MLLT1: variants seen among roughly 807,000 people sequenced by gnomAD.
MLLT1 encodes protein ENL.
In MLLT1, 11 loss-of-function variants were observed where a neutral mutation model predicts 55.1. The observed-to-expected ratio is 0.20, with a 90% CI of 0.13 to 0.33. The LOEUF is 0.33. Ranked by LOEUF, MLLT1 falls within the 10% of genes least tolerant of loss-of-function variation. The pLI, the probability that MLLT1 is intolerant of heterozygous loss-of-function variation, is 1.00. For synonymous variants in MLLT1, 323 were observed against 320.1 expected (o/e 1.01, Z -0.10); for missense variants, 536 against 760.6 (o/e 0.70, Z 3.47).
intron 3 of MLLT1, among the ~76,000 whole-genome samples, chr19:6,239,148 C>A (rs2091091047): frequency 6.6e-6 from 1 of 152,234 alleles, no homozygotes; most frequent in South Asian, 2.1e-4. Context: ...CTGGACACAG[C>A]TGTAAGGCAC....
chr19:6,260,585 G>A (rs932662400), intron 3 of MLLT1, among the ~76,000 whole-genome samples: 6 of 152,266 alleles, frequency 3.9e-5, no homozygotes, highest in South Asian at 2.1e-4. Context: ...GGCAGCAGCC[G>A]GAGCCCCTTG....
chr19:6,220,003 G>A (rs570862576), intron 6 of MLLT1, among the ~76,000 whole-genome samples: 6 of 152,384 alleles, frequency 3.9e-5, no homozygotes, highest in Non-Finnish European at 8.8e-5. Flanking sequence ...TCAGAGGGAG[G>A]GCGGAGCAGA....
chr19:6,243,779 C>T (rs2091138811), intron 3 of MLLT1, among the ~76,000 whole-genome samples: 1 of 152,168 alleles, frequency 6.6e-6, no homozygotes, highest in Non-Finnish European at 1.5e-5. Flanking sequence ...CACGGTGGCT[C>T]ACGCCTGTAA....
chr19:6,223,308 G>A (rs2090922302), intron 5 of MLLT1, among the ~76,000 whole-genome samples: 3 of 152,326 alleles, frequency 2.0e-5, no homozygotes, highest in Non-Finnish European at 2.9e-5. Context: ...ACCGCACGGA[G>A]CAAACAGCTC....
In MLLT1 at chr19:6,255,168, C is replaced by T. The variant is rs77908504; in HGVS notation, c.276+7060G>A. Among the ~76,000 whole-genome samples, 1,810 of 152,234 alleles carry T rather than the reference C, an allele frequency of 0.012. 74 individuals are homozygous for T. The East Asian group carries it at 0.13, about 11-fold the overall frequency. The stretch of plus-strand genomic sequence containing the variant: ...CCAAAAAGGGAATTAGGAAAGAATT[C>T]CATTTACAATAGCATTCCAAAGAAT... On this transcript the variant is annotated intron_variant, in intron 3 of 11. Coordinates refer to ENST00000252674, the MANE Select transcript of MLLT1 (RefSeq NM_005934.4).
intron 3 of MLLT1, among the ~76,000 whole-genome samples, chr19:6,252,134 T>C (rs2091220971): frequency 6.6e-6 from 1 of 152,130 alleles, no homozygotes. Context: ...AACAGAGAAA[T>C]GGCCATCTGT....
At chr19:6,245,635 CG>C (rs1422634385) in intron 3 of MLLT1, among the ~76,000 whole-genome samples, 1 of 152,112 alleles carries the variant, frequency 6.6e-6, no homozygotes. Flanking sequence ...GGCATGAACA[CG>C]GGAGGCAGAG....
At chr19:6,238,821 C>A (rs1159874778) in intron 3 of MLLT1, among the ~76,000 whole-genome samples, 2 of 149,792 alleles carry the variant, frequency 1.3e-5, no homozygotes, top group African/African-American at 5.1e-5. Context: ...CTTCTCCGGC[C>A]AGCAGCCAAA....
rs2144897035 is a variant in MLLT1 at position 6,240,383 on chromosome 19, G to A, written c.277-9670C>T. On this transcript the variant is annotated intron_variant, in intron 3 of 11. Transcript: ENST00000252674. The surrounding 1 kb of genome is among the most constrained non-coding windows in gnomAD (Gnocchi z 4.7). ...TTCAAACTCCACTGTGGAGCACGCT[G>A]CCGCCACTGGAAGGAGCTCGACAGA... Among the ~76,000 whole-genome samples the A allele has an allele frequency of 6.6e-6, 1 of 152,348 alleles. No homozygotes were observed. Among genetic ancestry groups the A allele is most frequent in the African/African-American group, 2.4e-5 (1 of 41,578 alleles).
chr19:6,233,004 A>C (rs73920611), intron 3 of MLLT1, among the ~76,000 whole-genome samples: 162 of 152,336 alleles, frequency 1.1e-3, no homozygotes, highest in African/African-American at 3.7e-3. Flanking sequence ...GACGCAAGGC[A>C]GAGCTCTGGG....
At chr19:6,218,286 C>T (rs151265209) in intron 6 of MLLT1, among the ~76,000 whole-genome samples, 213 of 152,356 alleles carry the variant, frequency 1.4e-3, no homozygotes, top group African/African-American at 4.9e-3. Flanking sequence ...TTTCCGGTAG[C>T]GCCAGGAGAC....
intron 1 of MLLT1, among the ~76,000 whole-genome samples, chr19:6,276,640 T>A (rs1826326421): frequency 1.3e-5 from 2 of 152,118 alleles, no homozygotes; most frequent in African/African-American, 4.8e-5. Context: ...CTCAGCCTTA[T>A]CCTTGTCACG....
Position 6,216,407 on chromosome 19 carries a change from G to A in MLLT1, c.1305C>T (p.Ser435=). 6.2e-7 allele frequency: 1 copy of A among 1,603,782 alleles called. No individual in the cohort carries two copies. The highest frequency in any genetic ancestry group is 8.5e-7 in the Non-Finnish European group (1 of 1,176,078). ...CCTGGCTCCCACCGGGCCGTCACCT[G>A]GAGTCCCTCCCCGGGTTGGTCTTGC... is the stretch of plus-strand genomic sequence containing the variant. ...AAGKTNPGRD[S]RLSFSDSESD... Residue 435 remains serine (S), a splice_region_variant and synonymous_variant, in exon 8 of 12, where the codon TCC becomes TCT. Coordinates refer to ENST00000252674, the MANE Select transcript of MLLT1 (RefSeq NM_005934.4).
Position 6,213,970 on chromosome 19 carries a change from G to C in MLLT1, c.1376C>G (p.Pro459Arg). 1.4e-6 allele frequency: 2 copies of C among 1,459,888 alleles called. No individual in the cohort carries two copies. Among genetic ancestry groups the C allele is most frequent in the Non-Finnish European group, 1.8e-6 (2 of 1,106,384 alleles). 90.4% of individuals were successfully genotyped at this position (1,459,888 alleles called of 1,614,324 possible). A position where few individuals can be genotyped will look rare whatever the true frequency, so the allele number is the denominator to read the frequency against. ...DSSLPSREPPPPQKPPPPNSK... is the reference protein window; with the variant it reads ...DSSLPSREPPRPQKPPPPNSK... ...GTTGGGCGGGGGTGGCTTCTGGGGGGGTGGGGGCTCACGGCTGGGCAGGGA... is the reference window on the plus strand; with the variant it reads ...GTTGGGCGGGGGTGGCTTCTGGGGGCGTGGGGGCTCACGGCTGGGCAGGGA... The change falls in exon 9 of 12, where the codon CCC becomes CGC. Residue 459 changes from proline to arginine, a missense_variant. Around this residue, in one of 3 missense-constraint regions of MLLT1, gnomAD observed 449 missense variants for 489.0 expected, o/e 0.92. Coordinates refer to ENST00000252674, the MANE Select transcript of MLLT1 (RefSeq NM_005934.4).
chr19:6,237,791 A>C (rs1376133775), intron 3 of MLLT1, among the ~76,000 whole-genome samples: 1 of 150,962 alleles, frequency 6.6e-6, no homozygotes. Flanking sequence ...AAGATGCTTA[A>C]GAGACGAAGC....
In MLLT1 at chr19:6,217,974, G is replaced by A; in HGVS notation, c.1178C>T (p.Pro393Leu). The A allele has an allele frequency of 1.2e-6, 2 of 1,606,984 alleles. No homozygotes were observed. Among genetic ancestry groups the A allele is most frequent in the Non-Finnish European group, 1.7e-6 (2 of 1,176,916 alleles). The change falls in exon 7 of 12, where the codon CCA becomes CTA. Residue 393 changes from proline (P) to leucine (L), a missense_variant. Coordinates refer to ENST00000252674, the MANE Select transcript of MLLT1 (RefSeq NM_005934.4). ...SDSSSDSDFE[P>L]SQNHSQGPLR... ...CACACCTTGGCTGTGGTTCTGGGAT[G>A]GCTCGAAGTCTGAGTCTGAGCTGGA...
At chr19:6,238,261 AG>A (rs1282701155) in intron 3 of MLLT1, among the ~76,000 whole-genome samples, 2 of 152,240 alleles carry the variant, frequency 1.3e-5, no homozygotes, top group Admixed American at 1.3e-4. Flanking sequence ...GAGAGATGAT[AG>A]GGGAAACTGA....
intron 6 of MLLT1, among the ~76,000 whole-genome samples, chr19:6,220,687 CGCCTGGAGATGCCTG>C (rs1408927810): frequency 6.6e-6 from 1 of 152,214 alleles, no homozygotes; most frequent in Non-Finnish European, 1.5e-5. Context: ...CAGAAGACCT[CGCCTGGAGATGCCTG>C]GCCTGGGACT....
intron 3 of MLLT1, among the ~76,000 whole-genome samples, chr19:6,253,132 G>A (rs1426111585): frequency 6.6e-6 from 1 of 151,398 alleles, no homozygotes; most frequent in East Asian, 1.9e-4. Flanking sequence ...CAGGTATGGT[G>A]GGCACACCCG....
Sources: allele counts gnomAD v4.1 joint callset (sites outside exome capture counted in the v4.1 genomes callset), GRCh38; gene constraint gnomAD v4.1.1; regional missense constraint gnomAD v4.1.1; non-coding constraint Gnocchi (gnomAD v3.1); transcripts MANE v1.5; gene names NCBI Gene and HGNC (gene_info 2026-07-23, HGNC 2026-07-21).